The following SMAD3 variants were observed in gnomAD, a reference collection of about 807,000 sequenced individuals.
The protein encoded by SMAD3 is SMAD family member 3.
In SMAD3, 12 loss-of-function variants were observed where a neutral mutation model predicts 51.8. The ratio of observed to expected loss-of-function variants is 0.23; its 90% CI spans 0.15 to 0.38. SMAD3 has a LOEUF of 0.38. Ranked by LOEUF, SMAD3 falls within the 10% of genes least tolerant of loss-of-function variation. The pLI is 1.00. For missense variants in SMAD3, 294 were observed against 565.6 expected (o/e 0.52, Z 4.87); for synonymous variants, 238 against 227.7 (o/e 1.05, Z -0.41).
intron 1 of SMAD3, among the ~76,000 whole-genome samples, chr15:67,150,798 CTT>C (rs774186264): frequency 5.6e-5 from 2 of 35,524 alleles, no homozygotes; most frequent in African/African-American, 1.1e-4. Context: ...CCATGTCCTG[CTT>C]TTTTTTTTTT....
In SMAD3 at chr15:67,143,081, C is replaced by CTTT. The variant is rs201072963; in HGVS notation, c.207-21813_207-21811dup. The stretch of plus-strand genomic sequence containing the variant: ...AAATTCGGTGACCCACCTTGGGATG[C>CTTT]TTTGCCTGTCAAGGTTTTTCAATGA... On this transcript the variant is annotated intron_variant, in intron 1 of 8. Coordinates refer to ENST00000327367, the MANE Select transcript of SMAD3 (RefSeq NM_005902.4). 7.7e-4 allele frequency: 163 copies of CTTT among 211,206 alleles called. 1 individual carries two copies. The East Asian group carries it at 0.017, about 22-fold the overall frequency. The allele number at this position is 211,206 out of a possible 1,614,324, so 13.1% of individuals were successfully genotyped here.
intron 5 of SMAD3, among the ~76,000 whole-genome samples, chr15:67,180,386 G>C (rs1490169501): frequency 7.2e-5 from 11 of 151,958 alleles, no homozygotes; most frequent in Admixed American, 7.2e-4. Flanking sequence ...CTAGTGTGAG[G>C]AGAAGCTGCC....
chr15:67,187,479 G>C lies in SMAD3; in HGVS notation c.1124G>C (p.Ser375Thr), dbSNP rs1232656160. 1 of 1,614,186 alleles carries C rather than the reference G, an allele frequency of 6.2e-7. No individual in the cohort carries two copies. Among genetic ancestry groups the C allele is most frequent in the African/African-American group, 1.3e-5 (1 of 75,046 alleles). The part of the protein sequence containing the change: ...QLTRMCTIRM[S>T]FVKGWGAEYR... ...ACCCGAATGTGCACCATCCGCATGA[G>C]CTTCGTCAAAGGCTGGGGAGCGGAG... The change falls in exon 8 of 9, where the codon AGC (serine) becomes ACC (threonine). Residue 375 changes from serine to threonine, a missense_variant. Transcript: ENST00000327367.
At chr15:67,099,121 A>C in intron 1 of SMAD3, 1 of 666,046 alleles carries the variant, frequency 1.5e-6, no homozygotes, top group Non-Finnish European at 2.8e-6. Context: ...CATTCCTGGG[A>C]ATACACTGAC....
intron 5 of SMAD3, among the ~76,000 whole-genome samples, chr15:67,177,564 A>G (rs1962938968): frequency 6.6e-6 from 1 of 151,706 alleles, no homozygotes; most frequent in Non-Finnish European, 1.5e-5. Flanking sequence ...CTGGGATTAC[A>G]GGCACCCGTC....
intron 1 of SMAD3, among the ~76,000 whole-genome samples, chr15:67,108,085 G>C (rs1960921944): frequency 6.6e-6 from 1 of 151,984 alleles, no homozygotes; most frequent in Non-Finnish European, 1.5e-5. Flanking sequence ...AGTGCTTCGG[G>C]GATAACTCGC....
At chr15:67,111,473 T>C (rs890548860) in intron 1 of SMAD3, among the ~76,000 whole-genome samples, 1 of 152,236 alleles carries the variant, frequency 6.6e-6, no homozygotes, top group Non-Finnish European at 1.5e-5. Context: ...GCTTTTTTTG[T>C]GGAAATGTGT....
intron 1 of SMAD3, among the ~76,000 whole-genome samples, chr15:67,106,018 C>G (rs766210940): frequency 1.4e-4 from 22 of 152,124 alleles, no homozygotes; most frequent in Non-Finnish European, 2.8e-4. Flanking sequence ...CCTCACCATC[C>G]AGGACATCAC....
At chr15:67,164,008 A>G (rs952965816) in intron 1 of SMAD3, among the ~76,000 whole-genome samples, 2 of 151,770 alleles carry the variant, frequency 1.3e-5, no homozygotes, top group Admixed American at 6.6e-5. Context: ...GCTCACCACA[A>G]ATAACTAAAA....
rs547354315 is a variant in SMAD3 at position 67,160,770 on chromosome 15, C to CAAAAAA, written c.207-4088_207-4083dup. On this transcript the variant is annotated intron_variant, in intron 1 of 8. Transcript: ENST00000327367. ...TGGGCGACAGAGCGAGACTCCATCT[C>CAAAAAA]AAAAAAAAAAAAAAAAAAAAAAAAA... Among the ~76,000 whole-genome samples the CAAAAAA allele has an allele frequency of 9.8e-4, 60 of 61,046 alleles. 2 individuals carry two copies. Among genetic ancestry groups the CAAAAAA allele is most frequent in the African/African-American group, 3.1e-3 (42 of 13,630 alleles). 40.0% of individuals were successfully genotyped at this position (61,046 alleles called of 152,430 possible).
At chr15:67,168,871 G>A (rs907338832) in intron 4 of SMAD3, among the ~76,000 whole-genome samples, 1 of 152,190 alleles carries the variant, frequency 6.6e-6, no homozygotes, top group Admixed American at 6.5e-5. Flanking sequence ...AGTTGCTCAC[G>A]GGCTTGGCTT....
intron 1 of SMAD3, among the ~76,000 whole-genome samples, chr15:67,113,758 A>C (rs182236257): frequency 1.3e-4 from 20 of 152,362 alleles, no homozygotes; most frequent in Middle Eastern, 3.4e-3. Flanking sequence ...CATAGATCCT[A>C]GGAACCTGAG....
At position 67,190,619 on chromosome 15, in the gene SMAD3, C is replaced by A; in HGVS notation, c.*83C>A. On this transcript the variant is annotated 3_prime_UTR_variant, in exon 9 of 9. Transcript: ENST00000327367. The stretch of plus-strand genomic sequence containing the variant: ...GAGAAAATTGGAACTCTACTCAACC[C>A]ATTGTTGTCAAGGAAGAAGAAATCT... 1 of 1,420,256 alleles carries A rather than the reference C, an allele frequency of 7.0e-7. No individual in the cohort carries two copies. The highest frequency in any genetic ancestry group is 9.9e-7 in the Non-Finnish European group (1 of 1,011,516). The allele number at this position is 1,420,256 out of a possible 1,614,324, so 88.0% of individuals were successfully genotyped here. A position where few individuals can be genotyped will look rare whatever the true frequency, so the allele number is the denominator to read the frequency against.
intron 1 of SMAD3, among the ~76,000 whole-genome samples, chr15:67,109,545 T>C (rs1305086016): frequency 6.6e-6 from 1 of 152,106 alleles, no homozygotes; most frequent in East Asian, 1.9e-4. Flanking sequence ...TGCATTCTAG[T>C]GGGTGGAATG....
At chr15:67,122,677 A>G (rs1689896868) in intron 1 of SMAD3, among the ~76,000 whole-genome samples, 1 of 152,160 alleles carries the variant, frequency 6.6e-6, no homozygotes, top group Non-Finnish European at 1.5e-5. Flanking sequence ...TAATCACTCC[A>G]TAGACAAGGA....
chr15:67,145,768 G>A (rs1358974765), intron 1 of SMAD3, among the ~76,000 whole-genome samples: 2 of 152,212 alleles, frequency 1.3e-5, no homozygotes, highest in Non-Finnish European at 2.9e-5. Context: ...AGGTGGCCCA[G>A]GTGGTAAGGA....
At chr15:67,107,478 T>C (rs1225339679) in intron 1 of SMAD3, among the ~76,000 whole-genome samples, 1 of 152,178 alleles carries the variant, frequency 6.6e-6, no homozygotes, top group African/African-American at 2.4e-5. Context: ...CCTGCCCTCC[T>C]GCCCTCCTGA....
intron 1 of SMAD3, among the ~76,000 whole-genome samples, chr15:67,093,582 G>A (rs185672682): frequency 1.3e-5 from 2 of 152,350 alleles, no homozygotes; most frequent in Non-Finnish European, 2.9e-5. Flanking sequence ...AGTGGCCAAG[G>A]CGCAGATCAT....
intron 1 of SMAD3, among the ~76,000 whole-genome samples, chr15:67,081,345 T>C (rs1040564583): frequency 1.3e-5 from 2 of 152,168 alleles, no homozygotes; most frequent in African/African-American, 4.8e-5. Flanking sequence ...TTGAGTCTCC[T>C]GAGTTACAGC....
Sources: gnomAD v4.1 joint callset for allele counts (sites outside exome capture counted in the v4.1 genomes callset) on GRCh38, gnomAD v4.1.1 for gene constraint, MANE v1.5 for transcripts, NCBI Gene and HGNC (gene_info 2026-07-23, HGNC 2026-07-21) for gene names.